Variants in ABHD18 observed in about 807,000 individuals in gnomAD.
ABHD18 encodes cardiolipin-specific deacylase, mitochondrial.
A neutral mutation model predicts 65.9 loss-of-function variants in ABHD18; 55 were observed. That is an observed-to-expected ratio of 0.84 (90% CI 0.67 to 1.05). ABHD18 has a LOEUF of 1.05. Among genes scored for constraint, ABHD18 ranks in the 50% least tolerant of loss-of-function variants. The probability of loss-of-function intolerance (pLI) is 0.00; values close to 1 mark genes in which losing one functional copy is unlikely to be tolerated. For missense variants in ABHD18, 533 were observed against 558.5 expected (o/e 0.95, Z 0.46); for synonymous variants, 181 against 180.2 (o/e 1.00, Z -0.04).
intron 1 of ABHD18, among the ~76,000 whole-genome samples, chr4:127,975,540 A>G (rs1237589256): frequency 1.3e-5 from 2 of 152,106 alleles, no homozygotes; most frequent in Admixed American, 6.6e-5. Flanking sequence ...GGTTGTTTGT[A>G]TGTACATACT....
chr4:127,980,678 G>A (rs568928213), intron 1 of ABHD18, among the ~76,000 whole-genome samples: 2 of 151,638 alleles, frequency 1.3e-5, no homozygotes, highest in Non-Finnish European at 1.5e-5. Flanking sequence ...ACAAAAATTC[G>A]CTGGGGTGGG....
At chr4:128,014,945 G>A (rs1305053124) in intron 7 of ABHD18, among the ~76,000 whole-genome samples, 2 of 152,128 alleles carry the variant, frequency 1.3e-5, no homozygotes, top group Non-Finnish European at 2.9e-5. Context: ...GGGCATGGTG[G>A]TGGGCACCTG....
chr4:127,988,913 C>T (rs539099378), intron 3 of ABHD18, among the ~76,000 whole-genome samples: 1 of 152,106 alleles, frequency 6.6e-6, no homozygotes, highest in Non-Finnish European at 1.5e-5. Context: ...ACCCAGCAAT[C>T]CCCCCACTGG....
chr4:128,033,959 CTTTTTTTT>C (rs996416880), intron 12 of ABHD18, among the ~76,000 whole-genome samples: 3 of 123,440 alleles, frequency 2.4e-5, no homozygotes, highest in African/African-American at 6.0e-5. Context: ...TTTCTTTTTT[CTTTTTTTT>C]TTTTTTTTTT....
chr4:127,996,596 AGGGTTC>A (rs1751774664), intron 4 of ABHD18, among the ~76,000 whole-genome samples: 4 of 152,188 alleles, frequency 2.6e-5, no homozygotes, highest in African/African-American at 9.6e-5. Flanking sequence ...AACAGGAAAC[AGGGTTC>A]GAGAGCAGAG....
At chr4:127,993,083 A>AT (rs1046413894) in intron 4 of ABHD18, among the ~76,000 whole-genome samples, 129 of 150,986 alleles carry the variant, frequency 8.5e-4, no homozygotes, top group African/African-American at 3.0e-3. Flanking sequence ...CAAAAAAAAA[A>AT]TTTTTTTTTT....
At chr4:128,017,202 G>A (rs563758059) in intron 7 of ABHD18, among the ~76,000 whole-genome samples, 161 bp from the exon 8 acceptor site, 1 of 152,314 alleles carries the variant, frequency 6.6e-6, no homozygotes, top group East Asian at 1.9e-4. Context: ...ACAGGCGTAA[G>A]CCATCACGCC....
At chr4:127,986,349 CTTCTTT>C (rs2149078880) in intron 3 of ABHD18, among the ~76,000 whole-genome samples, 1 of 152,302 alleles carries the variant, frequency 6.6e-6, no homozygotes, top group African/African-American at 2.4e-5. Context: ...TGTGTCAGTA[CTTCTTT>C]TTGTTTTTGT....
At chr4:128,033,127 G>A (rs1472030750) in intron 12 of ABHD18, among the ~76,000 whole-genome samples, 2 of 152,026 alleles carry the variant, frequency 1.3e-5, no homozygotes, top group African/African-American at 2.4e-5. Flanking sequence ...GGTGGCGGGT[G>A]CCTGTAGTCC....
chr4:127,983,473 G>A (rs1379754528), intron 2 of ABHD18, among the ~76,000 whole-genome samples: 3 of 152,154 alleles, frequency 2.0e-5, no homozygotes, highest in Admixed American at 6.6e-5. Context: ...GGTGGCTCAC[G>A]CCTGTAATCC....
Position 127,981,847 on chromosome 4 carries a change from T to C in ABHD18, c.-17-1092T>C, listed in dbSNP as rs546993462. Among the ~76,000 whole-genome samples the C allele has an allele frequency of 3.3e-5, 5 of 152,320 alleles. No individual in the cohort carries two copies. In the South Asian group the frequency reaches 1.0e-3, roughly 32 times the overall value. ...GCTATTAAAAAAACACTTAATCCTA[T>C]ACTCTGGCCATACGTTGTCTTGTCT... On this transcript the variant is annotated intron_variant, in intron 1 of 12. Coordinates refer to ENST00000645843, the MANE Select transcript of ABHD18 (RefSeq NM_001358451.3).
rs373878709 is a variant in ABHD18 at position 128,005,931 on chromosome 4, T to C, written c.279-2989T>C. On this transcript the variant is annotated intron_variant, in intron 4 of 12. Coordinates refer to ENST00000645843, the MANE Select transcript of ABHD18 (RefSeq NM_001358451.3). The stretch of plus-strand genomic sequence containing the variant: ...CATTTCTCATACAGCTAACAAAACA[T>C]AGCTACCACAGCCCCACAGAGCTTT... 1.2e-4 allele frequency among the ~76,000 whole-genome samples: 19 copies of C among 152,316 alleles called. No homozygotes were observed. In the East Asian group the frequency reaches 2.5e-3, roughly 20 times the overall value.
At chr4:127,985,029 T>C (rs1749717500) in intron 3 of ABHD18, among the ~76,000 whole-genome samples, 1 of 152,112 alleles carries the variant, frequency 6.6e-6, no homozygotes, top group Non-Finnish European at 1.5e-5. Flanking sequence ...CTCAGGAGGG[T>C]TAAACCACTC....
intron 1 of ABHD18, among the ~76,000 whole-genome samples, chr4:127,977,876 A>G (rs1482035600): frequency 6.6e-6 from 1 of 152,166 alleles, no homozygotes; most frequent in Non-Finnish European, 1.5e-5. Context: ...TAGTAGCAGA[A>G]TTTGTGTAGT....
At chr4:128,033,378 C>G (rs922320705) in intron 12 of ABHD18, among the ~76,000 whole-genome samples, 1 of 152,146 alleles carries the variant, frequency 6.6e-6, no homozygotes, top group African/African-American at 2.4e-5. Context: ...ATATCCACCT[C>G]TAATTTTTTT....
At position 128,039,160 on chromosome 4, in the gene ABHD18, T is replaced by TGC. The variant is rs1579514495; in HGVS notation, c.*3347_*3348insGC. Reference sequence around the variant, plus strand: ...ACACATATGCATATATATATATATATATATATATATATATATATATATATA... The same window carrying TGC: ...ACACATATGCATATATATATATATATGCATATATATATATATATATATATATA... On this transcript the variant is annotated 3_prime_UTR_variant, in exon 13 of 13. Transcript: ENST00000645843. 1.3e-4 allele frequency: 18 copies of TGC among 135,646 alleles called. No homozygotes were observed. In the East Asian group the frequency reaches 2.7e-3, roughly 20 times the overall value. 8.4% of individuals were successfully genotyped at this position (135,646 alleles called of 1,614,324 possible).
intron 4 of ABHD18, chr4:128,001,683 GA>G (rs969774313): frequency 1.3e-6 from 2 of 1,527,238 alleles, no homozygotes; most frequent in African/African-American, 2.8e-5. Context: ...TCAGAATTTA[GA>G]AGGTTTTGGT....
Position 128,037,557 on chromosome 4 carries a change from C to G in ABHD18, c.*1744C>G, listed in dbSNP as rs1028535525. ...TTCACCATGTTGGCCAAGCTGGTCT[C>G]GAATTCCTGACCTCAAGTGATATGC... On this transcript the variant is annotated 3_prime_UTR_variant, in exon 13 of 13. Coordinates refer to ENST00000645843, the MANE Select transcript of ABHD18 (RefSeq NM_001358451.3). The G allele has an allele frequency of 6.6e-6, 1 of 152,024 alleles. No homozygotes were observed. Among genetic ancestry groups the G allele is most frequent in the Non-Finnish European group, 1.5e-5 (1 of 68,014 alleles). 9.4% of individuals were successfully genotyped at this position (152,024 alleles called of 1,614,324 possible).
rs774061812 is a variant in ABHD18 at position 128,020,149 on chromosome 4, G to A, written c.679G>A (p.Ala227Thr). 3 of 1,612,918 alleles carry A rather than the reference G, an allele frequency of 1.9e-6. No individual in the cohort carries two copies. The highest frequency in any genetic ancestry group is 2.2e-5 in the South Asian group (2 of 90,970). Residue 227 changes from alanine to threonine, a missense_variant, in exon 9 of 13, where the codon GCA (alanine) becomes ACA (threonine). Ala to Thr is a moderately conservative substitution (Grantham distance 58, BLOSUM62 0). Around this residue, in one of 3 missense-constraint regions of ABHD18, gnomAD observed 309 missense variants for 313.5 expected, o/e 0.99. Transcript: ENST00000645843. Reference sequence around the variant, plus strand: ...GATTCCATGCCTGTCTTGGTCCACAGCATCTGGGGTCTTCACTACGGTAAT... The same window carrying A: ...GATTCCATGCCTGTCTTGGTCCACAACATCTGGGGTCTTCACTACGGTAAT... ...PLIPCLSWST[A>T]SGVFTTGVLS...
Sources: allele counts gnomAD v4.1 joint callset (sites outside exome capture counted in the v4.1 genomes callset), GRCh38; gene constraint gnomAD v4.1.1; regional missense constraint gnomAD v4.1.1; transcripts MANE v1.5; gene names NCBI Gene and HGNC (gene_info 2026-07-23, HGNC 2026-07-21).